Variants in IL3RA observed in about 807,000 individuals in gnomAD.
IL3RA encodes the protein interleukin-3 receptor subunit alpha.
A neutral mutation model predicts 52.3 loss-of-function variants in IL3RA; 73 were observed. That is an observed-to-expected ratio of 1.40 (90% CI 1.16 to 1.70). IL3RA has a LOEUF of 1.70. IL3RA is among the 40% of genes most tolerant of loss of function. The probability of loss-of-function intolerance (pLI) is 0.00; values close to 1 mark genes in which losing one functional copy is unlikely to be tolerated. For synonymous variants in IL3RA, 260 were observed against 194.0 expected (o/e 1.34, Z -2.83); for missense variants, 664 against 504.4 (o/e 1.32, Z -3.03).
chrX:1,346,094 C>G (rs1229562016), intron 3 of IL3RA, among the ~76,000 whole-genome samples: 1 of 151,436 alleles, frequency 6.6e-6, no homozygotes, highest in Non-Finnish European at 1.5e-5. Flanking sequence ...GCGGGCGGAT[C>G]ATGAGGTCAG....
At chrX:1,357,575 G>T (rs1175201602) in intron 7 of IL3RA, among the ~76,000 whole-genome samples, 2 of 150,426 alleles carry the variant, frequency 1.3e-5, no homozygotes, top group African/African-American at 4.9e-5. Flanking sequence ...TCTTGTCCTG[G>T]CTGGTCTTGA....
At chrX:1,368,740 G>C (rs2149167964) in intron 9 of IL3RA, among the ~76,000 whole-genome samples, 1 of 150,128 alleles carries the variant, frequency 6.7e-6, no homozygotes, top group African/African-American at 2.5e-5. Context: ...CCAAGCCCAG[G>C]AGAGGGGCCT....
intron 9 of IL3RA, among the ~76,000 whole-genome samples, chrX:1,376,651 G>A (rs1274764556): frequency 2.0e-5 from 3 of 150,236 alleles, no homozygotes; most frequent in African/African-American, 2.5e-5. Flanking sequence ...GGGAGAAGAC[G>A]GCGTCTCCAA....
rs1436022986 is a variant in IL3RA, at chrX:1,352,500, C to T, written c.610C>T (p.Gln204Ter). The change falls in exon 6 of 12, where the codon CAG becomes TAG. Residue 204 changes from glutamine (Q) to a stop codon, truncating the protein, a stop_gained. Coordinates refer to ENST00000331035, the MANE Select transcript of IL3RA (RefSeq NM_002183.4). LOFTEE classifies it high-confidence loss of function. ...PCTDKFVVFS[Q>*]IEILTPPNMT... ...CACAGATAAGTTTGTCGTCTTTTCACAGATTGGTGAGTAGCCCGGGACACT... is the reference window on the plus strand; with the variant it reads ...CACAGATAAGTTTGTCGTCTTTTCATAGATTGGTGAGTAGCCCGGGACACT... The T allele has an allele frequency of 4.3e-6, 7 of 1,613,104 alleles. No individual in the cohort carries two copies. Among genetic ancestry groups the T allele is most frequent in the Non-Finnish European group, 5.9e-6 (7 of 1,179,730 alleles).
rs1180616741 is a variant in IL3RA at position 1,357,794 on chromosome X, GTTTT to G, written c.733-1056_733-1053del. ...AGTGTTTTTTAGCCAATCTGTTTGG[GTTTT>G]TTTTTTTTTTAAGAAAATAAATGGC... On this transcript the variant is annotated intron_variant, in intron 7 of 11. Coordinates refer to ENST00000331035, the MANE Select transcript of IL3RA (RefSeq NM_002183.4). 3.6e-5 allele frequency among the ~76,000 whole-genome samples: 5 copies of G among 140,072 alleles called. No homozygotes were observed. The East Asian group carries it at 6.2e-4, about 17-fold the overall frequency. 91.9% of individuals were successfully genotyped at this position (140,072 alleles called of 152,430 possible). A position where few individuals can be genotyped will look rare whatever the true frequency, so the allele number is the denominator to read the frequency against.
intron 9 of IL3RA, among the ~76,000 whole-genome samples, chrX:1,367,874 G>A (rs1278741178): frequency 6.6e-6 from 1 of 151,534 alleles, no homozygotes; most frequent in African/African-American, 2.4e-5. Context: ...CTGCAAAGGA[G>A]AGGAGATTCA....
chrX:1,359,005 A>T, intron 8 of IL3RA, 118 bp downstream of exon 8: 1 of 698,960 alleles, frequency 1.4e-6, no homozygotes, highest in Non-Finnish European at 2.0e-6. Flanking sequence ...TAATGAAAAT[A>T]TTATTAATAA....
At chrX:1,354,121 T>C (rs752733227) in intron 6 of IL3RA, among the ~76,000 whole-genome samples, 11 of 150,112 alleles carry the variant, frequency 7.3e-5, no homozygotes, top group East Asian at 2.0e-4. Context: ...ATGGGTCCCA[T>C]CATGGGTCAT....
chrX:1,359,682 ATCTT>A (rs1279796385), intron 8 of IL3RA, among the ~76,000 whole-genome samples: 1 of 111,122 alleles, frequency 9.0e-6, no homozygotes, highest in African/African-American at 3.6e-5. Flanking sequence ...GTCTGTCTCT[ATCTT>A]TCTCCCTTTC....
intron 3 of IL3RA, among the ~76,000 whole-genome samples, chrX:1,347,977 C>T (rs1221552844): frequency 2.7e-5 from 4 of 146,814 alleles, no homozygotes; most frequent in Non-Finnish European, 5.9e-5. Flanking sequence ...GGAGAGGCTA[C>T]AGTGAGCCGA....
intron 2 of IL3RA, 64 bp from the exon 3 acceptor site, chrX:1,345,252 C>G (rs2085689483): frequency 2.0e-6 from 2 of 1,020,634 alleles, no homozygotes; most frequent in East Asian, 2.5e-5. Flanking sequence ...AAAACCATAC[C>G]CCTTACAATG....
Position 1,356,252 on chromosome X carries a change from G to A in IL3RA, c.648G>A (p.Lys216=), listed in dbSNP as rs2086698204. ...EILTPPNMTA[K]CNKTHSFMHW... ...TAACTCCACCCAACATGACTGCAAAGTGTAATAAGACACATTCCTTTATGC... is the reference window on the plus strand; with the variant it reads ...TAACTCCACCCAACATGACTGCAAAATGTAATAAGACACATTCCTTTATGC... Residue 216 remains lysine (K), a synonymous_variant, in exon 7 of 12, where the codon AAG becomes AAA. Coordinates refer to ENST00000331035, the MANE Select transcript of IL3RA (RefSeq NM_002183.4). 1.9e-6 allele frequency: 3 copies of A among 1,613,368 alleles called. No homozygotes were observed. The highest frequency in any genetic ancestry group is 2.5e-6 in the Non-Finnish European group (3 of 1,179,464).
intron 3 of IL3RA, among the ~76,000 whole-genome samples, chrX:1,346,939 T>C (rs773736202): frequency 6.0e-4 from 91 of 151,310 alleles, no homozygotes; most frequent in African/African-American, 1.3e-3. Context: ...ACAGTCCCAT[T>C]GAACTTTGTG....
chrX:1,381,946 T>C (rs773856731), intron 11 of IL3RA, among the ~76,000 whole-genome samples: 5 of 109,294 alleles, frequency 4.6e-5, no homozygotes, highest in South Asian at 5.5e-4. Context: ...TTGTTTTGTT[T>C]TGTTTGTTTT....
chrX:1,347,478 A>C (rs1465973068), intron 3 of IL3RA, among the ~76,000 whole-genome samples: 1 of 151,338 alleles, frequency 6.6e-6, no homozygotes, highest in African/African-American at 2.4e-5. Context: ...CAAAACGAAG[A>C]ATATACAAGT....
chrX:1,348,686 C>A (rs1417953527), intron 4 of IL3RA, 141 bp downstream of exon 4: 1 of 467,886 alleles, frequency 2.1e-6, no homozygotes, highest in Non-Finnish European at 3.7e-6. Context: ...TTCTTTCTTT[C>A]TTTCTTTTTC....
Position 1,348,542 on chromosome X carries a change from A to AAC in IL3RA, c.297_298dup (p.Ser100ThrfsTer12). 1 of 1,608,582 alleles carries AAC rather than the reference A, an allele frequency of 6.2e-7. No homozygotes were observed. The highest frequency in any genetic ancestry group is 8.5e-7 in the Non-Finnish European group (1 of 1,175,064). On this transcript the variant is annotated frameshift_variant, in exon 4 of 12. Coordinates refer to ENST00000331035, the MANE Select transcript of IL3RA (RefSeq NM_002183.4). LOFTEE classifies it high-confidence loss of function. ...CTCCACGTGGATCCTCTTCCCTGAG[A>AAC]ACAGTGAGAAAAATGTTCATTGTTT...
At chrX:1,346,832 C>G (rs1284479393) in intron 3 of IL3RA, among the ~76,000 whole-genome samples, 1 of 151,110 alleles carries the variant, frequency 6.6e-6, no homozygotes, top group Admixed American at 6.6e-5. Flanking sequence ...CTATTTGGTC[C>G]CCTCCAAGAG....
intron 7 of IL3RA, among the ~76,000 whole-genome samples, chrX:1,357,096 G>C (rs1297266282): frequency 6.6e-6 from 1 of 151,846 alleles, no homozygotes; most frequent in Non-Finnish European, 1.5e-5. Context: ...GGGATTATGG[G>C]CACCCATCAC....
Sources: allele counts gnomAD v4.1 joint callset (sites outside exome capture counted in the v4.1 genomes callset), GRCh38; gene constraint gnomAD v4.1.1; transcripts MANE v1.5; gene names NCBI Gene and HGNC (gene_info 2026-07-23, HGNC 2026-07-21).